Variants in PCCB observed in about 807,000 individuals in gnomAD.
PCCB encodes the protein propionyl-CoA carboxylase subunit beta, also known as propionyl-CoA carboxylase beta chain, mitochondrial.
A neutral mutation model predicts 60.7 loss-of-function variants in PCCB; 43 were observed. The observed-to-expected ratio is 0.71, with a 90% confidence interval of 0.55 to 0.91. The LOEUF is 0.91. Ranked by LOEUF, PCCB falls within the 40% of genes least tolerant of loss-of-function variation. The pLI is 0.00. For missense variants in PCCB, 766 were observed against 702.8 expected, an observed-to-expected ratio of 1.09 and a Z score of -1.02; for synonymous variants, 276 against 255.9, an observed-to-expected ratio of 1.08 and a Z score of -0.75.
At chr3:136,317,147 C>G in intron 10 of PCCB, 83 bp downstream of exon 10, 1 of 1,437,712 alleles carries the variant, frequency 7.0e-7, no homozygotes, top group South Asian at 1.2e-5. Context: ...CTGTCTTTTG[C>G]CTGTTCTTCA....
chr3:136,324,674 T>C (rs1935237783), intron 10 of PCCB, among the ~76,000 whole-genome samples: 1 of 152,148 alleles, frequency 6.6e-6, no homozygotes, highest in South Asian at 2.1e-4. Flanking sequence ...TTCCTCTACC[T>C]TACCATGATT....
chr3:136,264,440 GTATA>G (rs370057075), intron 5 of PCCB, among the ~76,000 whole-genome samples: 50 of 123,632 alleles, frequency 4.0e-4, no homozygotes, highest in Middle Eastern at 4.1e-3. Flanking sequence ...ATGTGTGTGT[GTATA>G]TATGTATATA....
chr3:136,261,906 A>G (rs759908170), intron 4 of PCCB, 46 bp from the exon 5 acceptor site: 34 of 1,305,200 alleles, frequency 2.6e-5, no homozygotes, highest in South Asian at 1.4e-4. Flanking sequence ...GTCGTTTTTT[A>G]TATCAAGAAC....
In PCCB at chr3:136,262,173, G is replaced by A. The variant is rs1576407468; in HGVS notation, c.543+108G>A. ...TCCTCATTGTTCTCTGCCGCATTGT[G>A]TCTGTTCTGTGGGTCCTTTCTGTGT... On this transcript the variant is annotated intron_variant, in intron 5 of 14. Coordinates refer to ENST00000251654, the MANE Select transcript of PCCB (RefSeq NM_000532.5). 1.6e-5 allele frequency: 12 copies of A among 757,318 alleles called. 1 individual carries two copies. In the East Asian group the frequency reaches 3.0e-4, roughly 19 times the overall value. 46.9% of individuals were successfully genotyped at this position (757,318 alleles called of 1,614,324 possible).
chr3:136,272,054 GT>G (rs553465228), intron 5 of PCCB, among the ~76,000 whole-genome samples: 2 of 152,086 alleles, frequency 1.3e-5, no homozygotes, highest in African/African-American at 2.4e-5. Context: ...TAGTTTGAGA[GT>G]TTTTTGTCAT....
chr3:136,254,529 T>TTTC (rs1249169461), intron 1 of PCCB, among the ~76,000 whole-genome samples: 2 of 132,918 alleles, frequency 1.5e-5, no homozygotes, highest in Admixed American at 1.5e-4. Flanking sequence ...TTTTTTTTTT[T>TTTC]TTTTTTTTTT....
At chr3:136,253,796 C>T (rs1193591923) in intron 1 of PCCB, among the ~76,000 whole-genome samples, 1 of 151,328 alleles carries the variant, frequency 6.6e-6, no homozygotes, top group South Asian at 2.1e-4. Flanking sequence ...CAGCCTCCTA[C>T]CCTGCTAGTT....
At chr3:136,301,772 T>G (rs1257951938) in intron 9 of PCCB, among the ~76,000 whole-genome samples, 3 of 152,150 alleles carry the variant, frequency 2.0e-5, no homozygotes, top group Non-Finnish European at 4.4e-5. Context: ...TCTGTTATTG[T>G]TTTTGTCTTT....
chr3:136,290,596 A>G (rs1933631595), intron 6 of PCCB, among the ~76,000 whole-genome samples: 2 of 145,994 alleles, frequency 1.4e-5, no homozygotes, highest in South Asian at 4.3e-4. Flanking sequence ...CTGGGCTCAC[A>G]TGGTCTTCCT....
chr3:136,250,625 T>G, intron 1 of PCCB, 67 bp downstream of exon 1: 1 of 1,493,502 alleles, frequency 6.7e-7, no homozygotes. Flanking sequence ...CGTGCCCGGC[T>G]TGCGGCGTCC....
Position 136,301,243 on chromosome 3 carries a change from C to T in PCCB, c.966+132C>T. ...CAGCACAGGTCGGGAATAGGGTGGG[C>T]ACAGGACCAGTGGCCACTGAGTAGT... On this transcript the variant is annotated intron_variant, in intron 9 of 14. Coordinates refer to ENST00000251654, the MANE Select transcript of PCCB (RefSeq NM_000532.5). 4 of 742,728 alleles carry T rather than the reference C, an allele frequency of 5.4e-6. No individual in the cohort carries two copies. In the Admixed American group the frequency reaches 5.9e-5, roughly 11 times the overall value. The allele number at this position is 742,728 out of a possible 1,614,324, so 46.0% of individuals were successfully genotyped here.
At chr3:136,270,848 G>A (rs1432944466) in intron 5 of PCCB, among the ~76,000 whole-genome samples, 1 of 152,152 alleles carries the variant, frequency 6.6e-6, no homozygotes, top group Non-Finnish European at 1.5e-5. Flanking sequence ...TAGGAGTAAG[G>A]TGGTATCTCA....
rs753285409 is a variant in PCCB at position 136,301,033 on chromosome 3, C to T, written c.888C>T (p.Asp296=). 6.2e-6 allele frequency: 10 copies of T among 1,613,866 alleles called. No individual in the cohort carries two copies. Among genetic ancestry groups the T allele is most frequent in the Admixed American group, 5.0e-5 (3 of 60,006 alleles). Residue 296 remains aspartate (D), a synonymous_variant, in exon 9 of 15, where the codon GAC becomes GAT. Coordinates refer to ENST00000251654, the MANE Select transcript of PCCB (RefSeq NM_000532.5). The stretch of plus-strand genomic sequence containing the variant: ...CCTGCCTTTTTTCTGCCTAAAGTGA[C>T]CGTCTGGTTCCTGAGCTTGACACAA... ...APVRECHDPS[D]RLVPELDTIV...
Position 136,303,613 on chromosome 3 carries a change from T to G in PCCB, c.966+2502T>G, listed in dbSNP as rs1384413110. ...ACTTATTTATTTATTTAAAAAAAATTTTTTTTTGAGACAGAGTTTTGCTCT... is the reference window on the plus strand; with the variant it reads ...ACTTATTTATTTATTTAAAAAAAATGTTTTTTTGAGACAGAGTTTTGCTCT... On this transcript the variant is annotated intron_variant, in intron 9 of 14. Transcript: ENST00000251654. 6.6e-5 allele frequency among the ~76,000 whole-genome samples: 8 copies of G among 121,772 alleles called. 4 individuals carry two copies. The highest frequency in any genetic ancestry group is 1.5e-4 in the Non-Finnish European group (8 of 54,822). 79.9% of individuals were successfully genotyped at this position (121,772 alleles called of 152,430 possible). A position where few individuals can be genotyped will look rare whatever the true frequency, so the allele number is the denominator to read the frequency against.
chr3:136,299,729 T>C (rs1194666269), intron 8 of PCCB, among the ~76,000 whole-genome samples: 1 of 149,760 alleles, frequency 6.7e-6, no homozygotes, highest in Non-Finnish European at 1.5e-5. Flanking sequence ...TGTATGTATA[T>C]GCATGTGTAT....
chr3:136,279,538 A>T (rs1172123055), intron 5 of PCCB, among the ~76,000 whole-genome samples: 1 of 152,138 alleles, frequency 6.6e-6, no homozygotes, highest in African/African-American at 2.4e-5. Flanking sequence ...TAGTACATAG[A>T]CATACTGCTT....
At chr3:136,297,872 A>G (rs1008235312) in intron 7 of PCCB, 80 bp from the exon 8 acceptor site, 50 of 1,533,880 alleles carry the variant, frequency 3.3e-5, no homozygotes, top group Non-Finnish European at 4.4e-5. Flanking sequence ...ATGCCCTAGA[A>G]GGGCGCAGTC....
At chr3:136,324,510 A>G (rs763781714) in intron 10 of PCCB, among the ~76,000 whole-genome samples, 1 of 152,052 alleles carries the variant, frequency 6.6e-6, no homozygotes, top group Non-Finnish European at 1.5e-5. Context: ...CTGATCGTGT[A>G]TCTCATCCTA....
chr3:136,256,178 A>T, intron 2 of PCCB: 1 of 684,314 alleles, frequency 1.5e-6, no homozygotes, highest in Non-Finnish European at 2.4e-6. Context: ...CCTGGCTTCA[A>T]GCAATCCACC....
Sources: gnomAD v4.1 joint callset for allele counts (sites outside exome capture counted in the v4.1 genomes callset) on GRCh38, gnomAD v4.1.1 for gene constraint, MANE v1.5 for transcripts, NCBI Gene and HGNC (gene_info 2026-07-23, HGNC 2026-07-21) for gene names.